Variants in TLR3 observed in about 807,000 individuals in gnomAD.
TLR3 encodes the protein toll like receptor 3.
TLR3 carries 43 observed loss-of-function variants against 66.4 expected under a neutral mutation model. That is an observed-to-expected ratio of 0.65 (90% CI 0.51 to 0.83). The LOEUF (loss-of-function observed/expected upper bound fraction) is 0.83. TLR3 is among the 40% of genes least tolerant of loss of function. The pLI is 0.00. For missense variants in TLR3, 982 were observed against 1,044.6 expected, an observed-to-expected ratio of 0.94 and a Z score of 0.83; for synonymous variants, 397 against 397.2, an observed-to-expected ratio of 1.00 and a Z score of 0.01.
chr4:186,078,858 CTG>C lies in TLR3; in HGVS notation c.462_463del (p.His156Ter), dbSNP rs1561370773. On this transcript the variant is annotated frameshift_variant, in exon 3 of 5. Transcript: ENST00000296795. LOFTEE classifies it high-confidence loss of function. ...CCTTCAGAATTTAATCACATTAGAT[CTG>C]TCTCATAATGGCTTGTCATCTACAA... Reference protein sequence around the residue: ...VKQKNLITLDLSHNGLSSTKL... With the variant: ...VKQKNLITLDXSHNGLSSTKL... 1 of 1,613,782 alleles carries C rather than the reference CTG, an allele frequency of 6.2e-7. No homozygotes were observed. Among genetic ancestry groups the C allele is most frequent in the Non-Finnish European group, 8.5e-7 (1 of 1,179,894 alleles).
At chr4:186,072,724 TCA>T (rs1451532772) in intron 1 of TLR3, among the ~76,000 whole-genome samples, 1 of 152,206 alleles carries the variant, frequency 6.6e-6, no homozygotes, top group Non-Finnish European at 1.5e-5. Context: ...CATGAGCCAG[TCA>T]CCTCCCACCA....
In TLR3 at chr4:186,078,851, A is replaced by G. The variant is rs1404118242; in HGVS notation, c.453A>G (p.Thr151=). The G allele has an allele frequency of 1.2e-6, 2 of 1,613,840 alleles. No individual in the cohort carries two copies. Among genetic ancestry groups the G allele is most frequent in the East Asian group, 2.2e-5 (1 of 44,850 alleles). ...TTTTTTCCCTTCAGAATTTAATCAC[A>G]TTAGATCTGTCTCATAATGGCTTGT... The part of the protein sequence containing the change: ...NPFVKQKNLI[T]LDLSHNGLSS... The change falls in exon 3 of 5, where the codon ACA becomes ACG. Residue 151 remains threonine, a synonymous_variant. Transcript: ENST00000296795.
At chr4:186,082,086 G>A (rs2099303590) in intron 3 of TLR3, 1 of 526,790 alleles carries the variant, frequency 1.9e-6, no homozygotes. Flanking sequence ...TTAGCTGGAC[G>A]TGGTGGCGCA....
At position 186,085,865 on chromosome 4, in the gene TLR3, T is replaced by A. The variant is rs1211104217; in HGVS notation, c.*992T>A. ...ATTTTTGTTTTTTTGTTTGTTTGTT[T>A]TTTATTTGTTTGTTTTTGAGACAGA... is the stretch of plus-strand genomic sequence containing the variant. On this transcript the variant is annotated 3_prime_UTR_variant, in exon 5 of 5. Coordinates refer to ENST00000296795, the MANE Select transcript of TLR3 (RefSeq NM_003265.3). The A allele has an allele frequency of 6.6e-6, 1 of 152,212 alleles. No individual in the cohort carries two copies. The highest frequency in any genetic ancestry group is 2.4e-5 in the African/African-American group (1 of 41,448). The allele number at this position is 152,212 out of a possible 1,614,324, so 9.4% of individuals were successfully genotyped here.
In TLR3 at chr4:186,085,557, G is replaced by T. The variant is rs1239245823; in HGVS notation, c.*684G>T. 3 of 152,398 alleles carry T rather than the reference G, an allele frequency of 2.0e-5. No homozygotes were observed. The highest frequency in any genetic ancestry group is 4.1e-4 in the South Asian group (2 of 4,826). 9.4% of individuals were successfully genotyped at this position (152,398 alleles called of 1,614,324 possible). ...AAACAATTCTCTTACTAAAAGTATT[G>T]TAGGCAGGCTTGCTTTCTGAAGGCT... On this transcript the variant is annotated 3_prime_UTR_variant, in exon 5 of 5. Coordinates refer to ENST00000296795, the MANE Select transcript of TLR3 (RefSeq NM_003265.3).
chr4:186,075,312 A>G (rs983996698), intron 1 of TLR3, among the ~76,000 whole-genome samples: 3 of 152,148 alleles, frequency 2.0e-5, no homozygotes, highest in African/African-American at 7.2e-5. Flanking sequence ...GTGACTATTT[A>G]TTTATATGAT....
chr4:186,075,170 A>C (rs530024914), intron 1 of TLR3, among the ~76,000 whole-genome samples: 3 of 152,362 alleles, frequency 2.0e-5, no homozygotes, highest in South Asian at 4.1e-4. Flanking sequence ...GCTATATTTT[A>C]TATAACTAGT....
chr4:186,078,414 TTC>T (rs1167054260), intron 2 of TLR3, among the ~76,000 whole-genome samples: 1 of 152,142 alleles, frequency 6.6e-6, no homozygotes, highest in East Asian at 1.9e-4. Flanking sequence ...TAAGAAAACA[TTC>T]TGTTCTTTTT....
Position 186,083,974 on chromosome 4 carries a change from C to A in TLR3, c.2288C>A (p.Ala763Asp). The A allele has an allele frequency of 6.2e-7, 1 of 1,613,930 alleles. No individual in the cohort carries two copies. Among genetic ancestry groups the A allele is most frequent in the South Asian group, 1.1e-5 (1 of 91,020 alleles). Residue 763 changes from alanine (A) to aspartate (D), a missense_variant, in exon 4 of 5, where the codon GCC becomes GAC. By Grantham distance (126) the Ala-to-Asp change is moderately radical. This residue lies in a region of TLR3 where 666 missense variants were observed against 709.0 expected (regional missense o/e 0.94). Coordinates refer to ENST00000296795, the MANE Select transcript of TLR3 (RefSeq NM_003265.3). The surrounding 1 kb of genome is among the most constrained non-coding windows in gnomAD (Gnocchi z 4.0). ...QFEYAAYIIH[A>D]YKDKDWVWEH... ...GAATATGCAGCATATATAATTCATG[C>A]CTATAAAGATAAGGATTGGGTCTGG... is the stretch of plus-strand genomic sequence containing the variant.
intron 2 of TLR3, among the ~76,000 whole-genome samples, chr4:186,078,160 C>T (rs2099302765): frequency 6.6e-6 from 1 of 152,186 alleles, no homozygotes; most frequent in African/African-American, 2.4e-5. Flanking sequence ...AAACCTGCTT[C>T]TCGTTAACAG....
intron 1 of TLR3, among the ~76,000 whole-genome samples, chr4:186,075,697 C>T (rs1413484070): frequency 6.6e-6 from 1 of 151,934 alleles, no homozygotes. Context: ...TTTAGATTTG[C>T]TGAATTAATG....
At chr4:186,070,037 C>T (rs922265658) in intron 1 of TLR3, among the ~76,000 whole-genome samples, 4 of 152,258 alleles carry the variant, frequency 2.6e-5, no homozygotes, top group African/African-American at 9.6e-5. Context: ...TCCTAACCAT[C>T]AGGCAATATT....
chr4:186,072,987 C>T (rs2099301766), intron 1 of TLR3, among the ~76,000 whole-genome samples: 1 of 152,138 alleles, frequency 6.6e-6, no homozygotes, highest in African/African-American at 2.4e-5. Context: ...TTTCCATCAA[C>T]CATAGCAACG....
chr4:186,080,481 G>C (rs531245559), intron 3 of TLR3, among the ~76,000 whole-genome samples: 8 of 152,016 alleles, frequency 5.3e-5, no homozygotes, highest in Non-Finnish European at 8.8e-5. Context: ...AATTCTTACT[G>C]TACTGAAATT....
At chr4:186,084,227 T>TC in intron 4 of TLR3, 55 bp downstream of exon 4, 2 of 1,414,466 alleles carry the variant, frequency 1.4e-6, no homozygotes, top group Non-Finnish European at 1.9e-6. Context: ...TTAAATTTCT[T>TC]TTTTTTTTTT....
At chr4:186,080,524 T>C (rs968142876) in intron 3 of TLR3, among the ~76,000 whole-genome samples, 17 of 151,950 alleles carry the variant, frequency 1.1e-4, no homozygotes, top group Non-Finnish European at 1.5e-5. Context: ...GTGTGTCAAG[T>C]GCTGTGATAA....
In TLR3 at chr4:186,087,470, C is replaced by T. The variant is rs1359797200; in HGVS notation, c.*2597C>T. 6.6e-6 allele frequency: 1 copy of T among 152,082 alleles called. No homozygotes were observed. The highest frequency in any genetic ancestry group is 1.5e-5 in the Non-Finnish European group (1 of 68,024). The allele number at this position is 152,082 out of a possible 1,614,324, so 9.4% of individuals were successfully genotyped here. ...TTGTCTGAGCTCTTGTTTGATTTGC[C>T]CAAGTGACTTGACTTGTTTGAATCC... is the stretch of plus-strand genomic sequence containing the variant. On this transcript the variant is annotated 3_prime_UTR_variant, in exon 5 of 5. Transcript: ENST00000296795.
At chr4:186,076,540 G>A (rs2150066242) in intron 1 of TLR3, 73 bp from the exon 2 acceptor site, 2 of 1,378,356 alleles carry the variant, frequency 1.5e-6, no homozygotes, top group East Asian at 2.3e-5. Context: ...TATTTTACAA[G>A]GAATATACCA....
intron 1 of TLR3, among the ~76,000 whole-genome samples, chr4:186,073,932 G>A (rs1380451077): frequency 6.6e-6 from 1 of 152,112 alleles, no homozygotes; most frequent in African/African-American, 2.4e-5. Context: ...TATAAGGGAA[G>A]ATAAATGAAC....
Sources: gnomAD v4.1 joint callset for allele counts (sites outside exome capture counted in the v4.1 genomes callset) on GRCh38, gnomAD v4.1.1 for gene constraint, gnomAD v4.1.1 regional missense constraint, Gnocchi (gnomAD v3.1) non-coding constraint, MANE v1.5 for transcripts, NCBI Gene and HGNC (gene_info 2026-07-23, HGNC 2026-07-21) for gene names.